Variants in ATP8A2 observed in about 807,000 individuals in gnomAD.
ATP8A2 encodes phospholipid-transporting ATPase IB.
ATP8A2 carries 100 observed loss-of-function variants against 165.6 expected under a neutral mutation model. That is an observed-to-expected ratio of 0.60 (90% CI 0.51 to 0.71). The LOEUF is 0.71. Among genes scored for constraint, ATP8A2 ranks in the 30% least tolerant of loss-of-function variants. ATP8A2 has a pLI of 0.00. For synonymous variants in ATP8A2, 543 were observed against 548.8 expected, an observed-to-expected ratio of 0.99 and a Z score of 0.15; for missense variants, 1,227 against 1,479.5, an observed-to-expected ratio of 0.83 and a Z score of 2.80.
At chr13:25,630,640 G>T (rs2041218388) in intron 24 of ATP8A2, among the ~76,000 whole-genome samples, 1 of 152,128 alleles carries the variant, frequency 6.6e-6, no homozygotes, top group African/African-American at 2.4e-5. Context: ...TTCCTTGAGG[G>T]AATGGGCTCT....
At chr13:25,455,992 G>A (rs1447459323) in intron 1 of ATP8A2, among the ~76,000 whole-genome samples, 1 of 152,218 alleles carries the variant, frequency 6.6e-6, no homozygotes, top group Non-Finnish European at 1.5e-5. Context: ...TCTTTCTTGT[G>A]TGTCTATCTG....
At chr13:25,385,088 C>T (rs1212817757) in intron 1 of ATP8A2, among the ~76,000 whole-genome samples, 1 of 152,176 alleles carries the variant, frequency 6.6e-6, no homozygotes, top group Non-Finnish European at 1.5e-5. Flanking sequence ...TTTCAGAGGG[C>T]CAGTGTTTTA....
rs538539157 is a variant in ATP8A2 at position 25,440,693 on chromosome 13, A to G, written c.77-28284A>G. On this transcript the variant is annotated intron_variant, in intron 1 of 36. Coordinates refer to ENST00000381655, the MANE Select transcript of ATP8A2 (RefSeq NM_016529.6). ...GCAGTCTACACAAGGCATGGGTGAA[A>G]GAGGACAATGTGACAAGCAGTGATT... 5.3e-5 allele frequency among the ~76,000 whole-genome samples: 8 copies of G among 152,340 alleles called. No individual in the cohort carries two copies. In the Middle Eastern group the frequency reaches 0.017, roughly 324 times the overall value.
At chr13:25,643,846 G>A (rs368157929) in intron 24 of ATP8A2, among the ~76,000 whole-genome samples, 3 of 151,648 alleles carry the variant, frequency 2.0e-5, no homozygotes, top group African/African-American at 7.2e-5. Flanking sequence ...CATGCCTTGT[G>A]TAGCATGGAC....
intron 6 of ATP8A2, among the ~76,000 whole-genome samples, chr13:25,537,625 G>A (rs928266560): frequency 6.6e-6 from 1 of 152,138 alleles, no homozygotes; most frequent in African/African-American, 2.4e-5. Context: ...GGCTGGCTCT[G>A]GTGGTGTGTG....
At chr13:25,731,379 G>C (rs1487881201) in intron 25 of ATP8A2, among the ~76,000 whole-genome samples, 1 of 144,202 alleles carries the variant, frequency 6.9e-6, no homozygotes, top group East Asian at 2.0e-4. Flanking sequence ...GGAAGGAAGA[G>C]GGAGGAAGAA....
intron 10 of ATP8A2, among the ~76,000 whole-genome samples, chr13:25,548,043 G>T (rs1220350152): frequency 6.6e-6 from 1 of 152,050 alleles, no homozygotes; most frequent in African/African-American, 2.4e-5. Flanking sequence ...GGGCAACATG[G>T]TGAGACCCCT....
Position 25,541,963 on chromosome 13 carries a change from G to A in ATP8A2, c.696G>A (p.Met232Ile). The stretch of plus-strand genomic sequence containing the variant: ...ACATGCAAACACGTGAAGTTCTGAT[G>A]AAGTTATCTGGAACTATAGAGTGTG... ...TADMQTREVLMKLSGTIECEG... is the reference protein window; with the variant it reads ...TADMQTREVLIKLSGTIECEG... Residue 232 changes from methionine to isoleucine, a missense_variant, in exon 9 of 37, where the codon ATG (methionine) becomes ATA (isoleucine). Transcript: ENST00000381655. The A allele has an allele frequency of 6.2e-7, 1 of 1,614,060 alleles. No individual in the cohort carries two copies. The highest frequency in any genetic ancestry group is 8.5e-7 in the Non-Finnish European group (1 of 1,179,964).
intron 10 of ATP8A2, among the ~76,000 whole-genome samples, chr13:25,544,769 G>T: frequency 6.6e-6 from 1 of 152,088 alleles, no homozygotes; most frequent in Non-Finnish European, 1.5e-5. Flanking sequence ...ATGCGATAAT[G>T]ATGAAGCTGG....
intron 1 of ATP8A2, among the ~76,000 whole-genome samples, chr13:25,384,698 A>G (rs1244342472): frequency 6.6e-6 from 1 of 152,070 alleles, no homozygotes; most frequent in South Asian, 2.1e-4. Context: ...GTATTGCTTC[A>G]TGTATTGAAT....
At chr13:25,501,482 G>A (rs1437635776) in intron 2 of ATP8A2, among the ~76,000 whole-genome samples, 1 of 152,188 alleles carries the variant, frequency 6.6e-6, no homozygotes, top group East Asian at 1.9e-4. Context: ...CAGCTGGGAG[G>A]CACAGCACAG....
chr13:25,553,827 G>T lies in ATP8A2; in HGVS notation c.1092G>T (p.Leu364=). 6.2e-7 allele frequency: 1 copy of T among 1,613,774 alleles called. No individual in the cohort carries two copies. Among genetic ancestry groups the T allele is most frequent in the Non-Finnish European group, 8.5e-7 (1 of 1,179,710 alleles). The change falls in exon 12 of 37, where the codon CTG becomes CTT. Residue 364 remains leucine (L), a synonymous_variant. Coordinates refer to ENST00000381655, the MANE Select transcript of ATP8A2 (RefSeq NM_016529.6). ...CAGATAATTTTGGATACAACCTACT[G>T]ACGTTCATCATCTTATACAACAATC... is the stretch of plus-strand genomic sequence containing the variant. ...TTSDNFGYNL[L]TFIILYNNLI... is the part of the protein sequence containing the mutation.
intron 2 of ATP8A2, among the ~76,000 whole-genome samples, chr13:25,515,709 T>C (rs1401420799): frequency 6.6e-6 from 1 of 152,236 alleles, no homozygotes; most frequent in Admixed American, 6.5e-5. Flanking sequence ...GTAAATGTGT[T>C]TCCATTTTAC....
intron 36 of ATP8A2, among the ~76,000 whole-genome samples, chr13:26,013,470 T>C (rs1023873809): frequency 7.9e-5 from 12 of 152,022 alleles, no homozygotes; most frequent in Admixed American, 2.6e-4. Context: ...AGGTCAGGGG[T>C]TGGAGACCAG....
intron 24 of ATP8A2, among the ~76,000 whole-genome samples, chr13:25,612,231 T>C (rs779235604): frequency 4.6e-5 from 7 of 152,124 alleles, no homozygotes; most frequent in Non-Finnish European, 7.4e-5. Flanking sequence ...GCTTAGATGG[T>C]CTATTTGTGC....
intron 2 of ATP8A2, among the ~76,000 whole-genome samples, chr13:25,480,127 C>G (rs564819198): frequency 6.7e-6 from 1 of 150,294 alleles, no homozygotes; most frequent in African/African-American, 2.4e-5. Flanking sequence ...GGGGCTGACC[C>G]CCCACCTCCC....
chr13:25,784,864 C>G (rs986493342), intron 27 of ATP8A2, among the ~76,000 whole-genome samples: 3 of 152,080 alleles, frequency 2.0e-5, no homozygotes, highest in African/African-American at 7.2e-5. Flanking sequence ...CTCCTGGGTT[C>G]AAGCGATTCT....
chr13:25,683,919 C>G (rs1464532104), intron 24 of ATP8A2, among the ~76,000 whole-genome samples: 1 of 152,120 alleles, frequency 6.6e-6, no homozygotes, highest in Non-Finnish European at 1.5e-5. Flanking sequence ...GCATGGTACA[C>G]AAACACAAAG....
At chr13:25,960,571 C>T (rs947061001) in intron 33 of ATP8A2, among the ~76,000 whole-genome samples, 3 of 152,136 alleles carry the variant, frequency 2.0e-5, no homozygotes, top group Non-Finnish European at 4.4e-5. Flanking sequence ...AACTTGAGTC[C>T]CTTTCTCAGG....
Sources: allele counts gnomAD v4.1 joint callset (sites outside exome capture counted in the v4.1 genomes callset), GRCh38; gene constraint gnomAD v4.1.1; transcripts MANE v1.5; gene names NCBI Gene and HGNC (gene_info 2026-07-23, HGNC 2026-07-21).